Variants in ELSPBP1 observed in about 807,000 individuals in gnomAD.
ELSPBP1 encodes epididymal sperm binding protein 1.
A neutral mutation model predicts 33.3 loss-of-function variants in ELSPBP1; 38 were observed. The ratio of observed to expected loss-of-function variants is 1.14; its 90% CI spans 0.88 to 1.50. ELSPBP1 has a LOEUF of 1.50. ELSPBP1 is among the 40% of genes most tolerant of loss of function. The pLI, the probability that ELSPBP1 is intolerant of heterozygous loss-of-function variation, is 0.00. For synonymous variants in ELSPBP1, 85 were observed against 94.1 expected (o/e 0.90, Z 0.56); for missense variants, 267 against 263.5 (o/e 1.01, Z -0.09).
At chr19:47,996,080 G>A (rs1053853874) in intron 1 of ELSPBP1, among the ~76,000 whole-genome samples, 1 of 152,148 alleles carries the variant, frequency 6.6e-6, no homozygotes, top group Non-Finnish European at 1.5e-5. Context: ...TATCATATCT[G>A]GTTCCTCTTG....
rs548416346 is a variant in ELSPBP1 at position 48,022,430 on chromosome 19, T to G, written c.*7+96T>G. ...CTGATGCGAAGGCGAGATCTGCTTT[T>G]TCAAGCGTGTCTGATTAGCGTCGCT... On this transcript the variant is annotated intron_variant, in intron 6 of 6. Coordinates refer to ENST00000339841, the MANE Select transcript of ELSPBP1 (RefSeq NM_022142.5). 6.1e-6 allele frequency: 7 copies of G among 1,150,430 alleles called. No individual in the cohort carries two copies. The African/African-American group carries it at 9.4e-5, about 15-fold the overall frequency. 71.3% of individuals were successfully genotyped at this position (1,150,430 alleles called of 1,614,324 possible). A position where few individuals can be genotyped will look rare whatever the true frequency, so the allele number is the denominator to read the frequency against.
At chr19:48,006,634 A>AG (rs1568404357) in intron 1 of ELSPBP1, among the ~76,000 whole-genome samples, 2 of 139,378 alleles carry the variant, frequency 1.4e-5, no homozygotes, top group Admixed American at 7.3e-5. Flanking sequence ...AAAAAAAAAA[A>AG]AAAAAAAAAA....
At chr19:48,021,209 A>G (rs1387428040) in intron 5 of ELSPBP1, among the ~76,000 whole-genome samples, 1 of 152,166 alleles carries the variant, frequency 6.6e-6, no homozygotes, top group Non-Finnish European at 1.5e-5. Context: ...GTGGACACAC[A>G]CAGAGTTAGG....
intron 1 of ELSPBP1, among the ~76,000 whole-genome samples, chr19:47,999,292 A>G (rs1217050414): frequency 6.6e-6 from 1 of 151,882 alleles, no homozygotes; most frequent in East Asian, 1.9e-4. Context: ...AAAGTGCACA[A>G]TTTAGTGGCG....
At chr19:48,015,140 G>T (rs1321402791) in intron 3 of ELSPBP1, among the ~76,000 whole-genome samples, 4 of 152,120 alleles carry the variant, frequency 2.6e-5, no homozygotes, top group Non-Finnish European at 5.9e-5. Context: ...CTAGAGAAAA[G>T]AAAATGTTAA....
intron 1 of ELSPBP1, among the ~76,000 whole-genome samples, chr19:48,005,420 T>C (rs748930719): frequency 2.4e-4 from 37 of 151,946 alleles, no homozygotes; most frequent in Non-Finnish European, 5.1e-4. Context: ...AACTGACTGA[T>C]AGAACACAGC....
At chr19:48,018,040 C>A (rs1380427319) in intron 4 of ELSPBP1, among the ~76,000 whole-genome samples, 1 of 151,970 alleles carries the variant, frequency 6.6e-6, no homozygotes, top group African/African-American at 2.4e-5. Flanking sequence ...TTCAAATTTG[C>A]ATAAATCACC....
rs759153571 is a variant in ELSPBP1, at chr19:48,022,312, C to T, written c.657C>T (p.Thr219=). The T allele has an allele frequency of 6.2e-7, 1 of 1,611,724 alleles. No individual in the cohort carries two copies. Among genetic ancestry groups the T allele is most frequent in the South Asian group, 1.1e-5 (1 of 90,278 alleles). ...ATSYNYDQDH[T]WVYC ...CTTACAACTACGACCAAGACCACAC[C>T]TGGGTGTATTGCTGATGCTGAGGTG... Residue 219 remains threonine (T), a synonymous_variant, in exon 6 of 7, where the codon ACC becomes ACT. Transcript: ENST00000339841.
At chr19:48,020,761 C>G (rs999572976) in intron 5 of ELSPBP1, among the ~76,000 whole-genome samples, 2 of 152,108 alleles carry the variant, frequency 1.3e-5, no homozygotes, top group African/African-American at 4.8e-5. Context: ...TATCTTCCAG[C>G]CTTTCTCATG....
chr19:48,019,383 A>T (rs1967174047), intron 4 of ELSPBP1, among the ~76,000 whole-genome samples: 1 of 152,138 alleles, frequency 6.6e-6, no homozygotes, highest in Admixed American at 6.5e-5. Flanking sequence ...ATATTTATGT[A>T]ACTAGCTTTT....
intron 1 of ELSPBP1, among the ~76,000 whole-genome samples, chr19:48,001,172 TCTG>T (rs1185435139): frequency 7.0e-6 from 1 of 143,330 alleles, no homozygotes; most frequent in African/African-American, 2.7e-5. Context: ...TGCCTCTCTC[TCTG>T]TTTTTTTTTT....
At chr19:48,008,048 C>T (rs78617541) in intron 1 of ELSPBP1, among the ~76,000 whole-genome samples, 1 of 151,908 alleles carries the variant, frequency 6.6e-6, no homozygotes, top group Non-Finnish European at 1.5e-5. Context: ...TAGGCAATGT[C>T]GTCCTTGTGT....
At chr19:48,024,036 ATTTT>A (rs111833936) in intron 6 of ELSPBP1, among the ~76,000 whole-genome samples, 23,570 of 131,900 alleles carry the variant, frequency 0.18, 2,105 homozygotes, top group Non-Finnish European at 0.22. Context: ...ATGCCCAGCA[ATTTT>A]TTTTTTTTTT....
At chr19:48,006,831 T>G (rs1309379858) in intron 1 of ELSPBP1, among the ~76,000 whole-genome samples, 1 of 151,776 alleles carries the variant, frequency 6.6e-6, no homozygotes, top group Non-Finnish European at 1.5e-5. Flanking sequence ...AAAAAGCCTG[T>G]TTGAGGCATG....
chr19:48,003,539 C>CTTTTTTT lies in ELSPBP1; in HGVS notation c.-17-5101_-17-5095dup, dbSNP rs34961390. 3.6e-5 allele frequency among the ~76,000 whole-genome samples: 5 copies of CTTTTTTT among 138,894 alleles called. 1 individual carries two copies. Among genetic ancestry groups the CTTTTTTT allele is most frequent in the African/African-American group, 5.3e-5 (2 of 38,068 alleles). The allele number at this position is 138,894 out of a possible 152,430, so 91.1% of individuals were successfully genotyped here. A position where few individuals can be genotyped will look rare whatever the true frequency, so the allele number is the denominator to read the frequency against. The stretch of plus-strand genomic sequence containing the variant: ...TGAATGAATAAATGCCACCCCTGCT[C>CTTTTTTT]TTTTTTTTTTTTTTTTTGATGGAGT... On this transcript the variant is annotated intron_variant, in intron 1 of 6. Transcript: ENST00000339841.
At position 48,024,675 on chromosome 19, in the gene ELSPBP1, G is replaced by A. The variant is rs1473425287; in HGVS notation, c.*8-277G>A. Among the ~76,000 whole-genome samples the A allele has an allele frequency of 5.3e-5, 8 of 152,148 alleles. No homozygotes were observed. In the South Asian group the frequency reaches 6.2e-4, roughly 12 times the overall value. On this transcript the variant is annotated intron_variant, in intron 6 of 6. Coordinates refer to ENST00000339841, the MANE Select transcript of ELSPBP1 (RefSeq NM_022142.5). ...GTCTGTGGCTAGGACTAGGAACAGC[G>A]TCCAGCCTCTGACTTCTGTCCATCA...
intron 5 of ELSPBP1, among the ~76,000 whole-genome samples, chr19:48,021,832 G>A (rs879412354): frequency 2.6e-5 from 4 of 151,604 alleles, no homozygotes; most frequent in Admixed American, 6.6e-5. Flanking sequence ...ATGCCGCCTC[G>A]ACCTCCCAGG....
chr19:48,004,312 C>G (rs1465600873), intron 1 of ELSPBP1, among the ~76,000 whole-genome samples: 1 of 152,044 alleles, frequency 6.6e-6, no homozygotes, highest in Non-Finnish European at 1.5e-5. Flanking sequence ...CCATGCATCT[C>G]TGTGGCCTTG....
intron 1 of ELSPBP1, among the ~76,000 whole-genome samples, chr19:48,008,282 T>G (rs766458119): frequency 1.1e-4 from 17 of 152,136 alleles, no homozygotes; most frequent in Admixed American, 5.9e-4. Flanking sequence ...ACTGAGGCTA[T>G]AGTACAGTGG....
Sources: gnomAD v4.1 joint callset for allele counts (sites outside exome capture counted in the v4.1 genomes callset) on GRCh38, gnomAD v4.1.1 for gene constraint, MANE v1.5 for transcripts, NCBI Gene and HGNC (gene_info 2026-07-23, HGNC 2026-07-21) for gene names.